Variants in DOCK5 observed in about 807,000 individuals in gnomAD.
The protein encoded by DOCK5 is dedicator of cytokinesis 5.
A neutral mutation model predicts 251.8 loss-of-function variants in DOCK5; 142 were observed. The ratio of observed to expected loss-of-function variants is 0.56; its 90% CI spans 0.49 to 0.65. The LOEUF (loss-of-function observed/expected upper bound fraction) is 0.65. Among genes scored for constraint, DOCK5 ranks in the 30% least tolerant of loss-of-function variants. The probability of loss-of-function intolerance (pLI) is 0.00; values close to 1 mark genes in which losing one functional copy is unlikely to be tolerated. For synonymous variants in DOCK5, 842 were observed against 835.5 expected (o/e 1.01, Z -0.13); for missense variants, 2,111 against 2,312.3 (o/e 0.91, Z 1.79).
intron 39 of DOCK5, among the ~76,000 whole-genome samples, chr8:25,380,676 T>G (rs1801049043): frequency 6.6e-6 from 1 of 152,230 alleles, no homozygotes; most frequent in South Asian, 2.1e-4. Flanking sequence ...TGACTCGCTT[T>G]CCACATCCCT....
intron 6 of DOCK5, among the ~76,000 whole-genome samples, chr8:25,295,413 C>T (rs973467109): frequency 4.6e-5 from 7 of 151,654 alleles, no homozygotes; most frequent in Admixed American, 4.6e-4. Context: ...TAAATTCTCA[C>T]AACAACCTTG....
chr8:25,344,298 G>A (rs553095767), intron 25 of DOCK5, among the ~76,000 whole-genome samples: 1 of 152,288 alleles, frequency 6.6e-6, no homozygotes, highest in African/African-American at 2.4e-5. Context: ...CAGCACCTGG[G>A]CCTTCCCAAT....
At chr8:25,307,907 A>T (rs1214099921) in intron 11 of DOCK5, among the ~76,000 whole-genome samples, 1 of 152,178 alleles carries the variant, frequency 6.6e-6, no homozygotes, top group African/African-American at 2.4e-5. Flanking sequence ...TTCCAGTAGG[A>T]GAGTGTTGTA....
chr8:25,312,642 A>G (rs1805132034), intron 13 of DOCK5, among the ~76,000 whole-genome samples: 2 of 151,772 alleles, frequency 1.3e-5, no homozygotes, highest in African/African-American at 4.8e-5. Context: ...GTGTACCTGT[A>G]GTCCCAGTTA....
intron 37 of DOCK5, chr8:25,375,744 C>A (rs765469275): frequency 2.9e-4 from 290 of 985,216 alleles, no homozygotes; most frequent in Non-Finnish European, 3.3e-4. Flanking sequence ...GATTCCTATG[C>A]CTCACCACTT....
chr8:25,280,972 GTT>G (rs74728067), intron 5 of DOCK5, among the ~76,000 whole-genome samples: 6 of 138,668 alleles, frequency 4.3e-5, no homozygotes, highest in Admixed American at 2.2e-4. Flanking sequence ...TGGGAAAGGA[GTT>G]TTTTTTTTTT....
intron 24 of DOCK5, 91 bp from the exon 25 acceptor site, chr8:25,342,310 C>A (rs1805973011): frequency 3.1e-6 from 3 of 962,042 alleles, no homozygotes; most frequent in Middle Eastern, 2.2e-4. Context: ...TCTCTCCATG[C>A]CCAAATCTCA....
intron 12 of DOCK5, among the ~76,000 whole-genome samples, chr8:25,309,328 C>T (rs993305633): frequency 6.6e-6 from 1 of 152,040 alleles, no homozygotes; most frequent in Non-Finnish European, 1.5e-5. Context: ...GGACTACAGA[C>T]ATGTACCACC....
chr8:25,335,060 G>A (rs1256641777), intron 21 of DOCK5, among the ~76,000 whole-genome samples: 1 of 152,190 alleles, frequency 6.6e-6, no homozygotes, highest in Admixed American at 6.5e-5. Context: ...AGAGCACTCA[G>A]CTCACCATGG....
At chr8:25,244,379 C>G (rs1803040163) in intron 2 of DOCK5, among the ~76,000 whole-genome samples, 1 of 152,224 alleles carries the variant, frequency 6.6e-6, no homozygotes, top group South Asian at 2.1e-4. Context: ...CTTCCAACTT[C>G]AGCTCAGGTT....
intron 1 of DOCK5, among the ~76,000 whole-genome samples, chr8:25,236,761 T>G (rs182521971): frequency 2.1e-5 from 3 of 139,618 alleles, no homozygotes; most frequent in East Asian, 4.0e-4. Context: ...TTTTGTGTGG[T>G]TTTTTTTTTG....
chr8:25,327,196 A>G (rs117623753), intron 18 of DOCK5, among the ~76,000 whole-genome samples: 123 of 152,382 alleles, frequency 8.1e-4, no homozygotes, highest in Non-Finnish European at 1.5e-3. Context: ...AATGTCAGCT[A>G]TCACGATCAT....
intron 13 of DOCK5, among the ~76,000 whole-genome samples, chr8:25,310,916 C>T (rs1242347237): frequency 6.6e-6 from 1 of 152,184 alleles, no homozygotes; most frequent in Non-Finnish European, 1.5e-5. Context: ...CGCAGACTCT[C>T]TCAAATAGCA....
At chr8:25,343,022 G>A (rs966932939) in intron 25 of DOCK5, among the ~76,000 whole-genome samples, 2 of 151,358 alleles carry the variant, frequency 1.3e-5, no homozygotes, top group East Asian at 2.0e-4. Flanking sequence ...TTTTTAAGAC[G>A]GAATCTCACT....
intron 1 of DOCK5, among the ~76,000 whole-genome samples, chr8:25,241,409 T>TTC (rs770611560): frequency 3.3e-5 from 5 of 150,076 alleles, no homozygotes; most frequent in Non-Finnish European, 5.9e-5. Context: ...ACTCAGGAGG[T>TTC]GGAGGTTGCA....
intron 2 of DOCK5, among the ~76,000 whole-genome samples, chr8:25,263,529 T>A (rs1208842072): frequency 6.6e-6 from 1 of 151,882 alleles, no homozygotes; most frequent in Non-Finnish European, 1.5e-5. Flanking sequence ...CCCATATTTT[T>A]AATAGATTTA....
chr8:25,235,799 CTTTT>C lies in DOCK5; in HGVS notation c.44-7860_44-7857del, dbSNP rs924321586. ...ATAGAGATTTTTTTCTTTTCTTTTC[CTTTT>C]TTTTTTTTTTTTTTGAAACGGAGTC... On this transcript the variant is annotated intron_variant, in intron 1 of 51. Coordinates refer to ENST00000276440, the MANE Select transcript of DOCK5 (RefSeq NM_024940.8). Among the ~76,000 whole-genome samples, 153 of 128,592 alleles carry C rather than the reference CTTTT, an allele frequency of 1.2e-3. 1 individual carries two copies. Among genetic ancestry groups the C allele is most frequent in the Admixed American group, 3.9e-3 (46 of 11,794 alleles). 84.4% of individuals were successfully genotyped at this position (128,592 alleles called of 152,430 possible). A position where few individuals can be genotyped will look rare whatever the true frequency, so the allele number is the denominator to read the frequency against.
chr8:25,389,649 A>C (rs983571136), intron 41 of DOCK5, among the ~76,000 whole-genome samples: 10 of 152,156 alleles, frequency 6.6e-5, no homozygotes, highest in African/African-American at 2.4e-4. Flanking sequence ...GCCTAACTTT[A>C]CCATTTACCA....
At chr8:25,266,689 A>G (rs1253298005) in intron 2 of DOCK5, among the ~76,000 whole-genome samples, 1 of 151,882 alleles carries the variant, frequency 6.6e-6, no homozygotes, top group East Asian at 1.9e-4. Flanking sequence ...GAGTTCTGAC[A>G]GTATACGCTT....
Sources: gnomAD v4.1 joint callset for allele counts (sites outside exome capture counted in the v4.1 genomes callset) on GRCh38, gnomAD v4.1.1 for gene constraint, MANE v1.5 for transcripts, NCBI Gene and HGNC (gene_info 2026-07-23, HGNC 2026-07-21) for gene names.